Variants in ADAMTS12 observed in about 807,000 individuals in gnomAD.
ADAMTS12 encodes A disintegrin and metalloproteinase with thrombospondin motifs 12.
In ADAMTS12, 118 loss-of-function variants were observed where a neutral mutation model predicts 167.8. The ratio of observed to expected loss-of-function variants is 0.70; its 90% CI spans 0.61 to 0.82. The LOEUF is 0.82. Ranked by LOEUF, ADAMTS12 falls within the 40% of genes least tolerant of loss-of-function variation. ADAMTS12 has a pLI of 0.00. For missense variants in ADAMTS12, 1,916 were observed against 1,998.8 expected (o/e 0.96, Z 0.79); for synonymous variants, 704 against 716.9 (o/e 0.98, Z 0.29).
At chr5:33,607,506 C>T (rs1056484395) in intron 16 of ADAMTS12, among the ~76,000 whole-genome samples, 2 of 152,000 alleles carry the variant, frequency 1.3e-5, no homozygotes, top group Non-Finnish European at 2.9e-5. Flanking sequence ...TTTTTTGGTT[C>T]CATATGAATT....
intron 2 of ADAMTS12, among the ~76,000 whole-genome samples, chr5:33,786,669 A>G (rs935449401): frequency 6.6e-6 from 1 of 152,234 alleles, no homozygotes; most frequent in Non-Finnish European, 1.5e-5. Flanking sequence ...TAAGCAAAGC[A>G]GTGATTCTTG....
chr5:33,880,954 T>C, intron 2 of ADAMTS12, 165 bp downstream of exon 2: 1 of 992,678 alleles, frequency 1.0e-6, no homozygotes, highest in Non-Finnish European at 1.4e-6. Context: ...ATCTCTTTTA[T>C]TTATTAAATA....
chr5:33,887,394 A>C (rs983299338), intron 1 of ADAMTS12, among the ~76,000 whole-genome samples: 1 of 152,076 alleles, frequency 6.6e-6, no homozygotes, highest in Admixed American at 6.6e-5. Context: ...CTCTGCCCTC[A>C]CTGTGTGCAT....
chr5:33,730,702 T>C (rs1224337419), intron 3 of ADAMTS12, among the ~76,000 whole-genome samples: 8 of 152,210 alleles, frequency 5.3e-5, no homozygotes, highest in Non-Finnish European at 8.8e-5. Context: ...TAGGATTGCT[T>C]CATTGGAACC....
Position 33,527,245 on chromosome 5 carries a change from G to C in ADAMTS12, c.4728C>G (p.Ile1576Met). Residue 1576 changes from isoleucine to methionine, a missense_variant, in exon 24 of 24, where the codon ATC becomes ATG. Transcript: ENST00000504830. ...ECCFSCPQTH[I>M]THTQRQRRQR... ...GCCTTCTTTGCCTTTGGGTGTGTGTGATGTGTGTCTGGGGACACGAGAAGC... is the reference window on the plus strand; with the variant it reads ...GCCTTCTTTGCCTTTGGGTGTGTGTCATGTGTGTCTGGGGACACGAGAAGC... 1 of 1,614,136 alleles carries C rather than the reference G, an allele frequency of 6.2e-7. No individual in the cohort carries two copies. The highest frequency in any genetic ancestry group is 8.5e-7 in the Non-Finnish European group (1 of 1,180,034).
chr5:33,794,605 CA>C (rs891317195), intron 2 of ADAMTS12, among the ~76,000 whole-genome samples: 6 of 121,014 alleles, frequency 5.0e-5, no homozygotes, highest in African/African-American at 1.9e-4. Flanking sequence ...GACCGAGGTG[CA>C]GGTAGGCACG....
At chr5:33,684,843 A>G (rs1329063516) in intron 3 of ADAMTS12, among the ~76,000 whole-genome samples, 1 of 152,224 alleles carries the variant, frequency 6.6e-6, no homozygotes, top group Non-Finnish European at 1.5e-5. Flanking sequence ...GCTGCACGGA[A>G]TCATTCTCAA....
intron 2 of ADAMTS12, among the ~76,000 whole-genome samples, chr5:33,879,612 T>C (rs938140793): frequency 6.6e-6 from 1 of 152,198 alleles, no homozygotes; most frequent in East Asian, 1.9e-4. Context: ...TTCACCATTC[T>C]TGATTTTCTG....
At chr5:33,551,803 G>C (rs901906655) in intron 20 of ADAMTS12, among the ~76,000 whole-genome samples, 1 of 152,290 alleles carries the variant, frequency 6.6e-6, no homozygotes, top group African/African-American at 2.4e-5. Context: ...TTTCAAAAGA[G>C]CCTCTGATTC....
chr5:33,665,188 A>G (rs1341030501), intron 5 of ADAMTS12, among the ~76,000 whole-genome samples: 3 of 152,192 alleles, frequency 2.0e-5, no homozygotes, highest in Non-Finnish European at 4.4e-5. Flanking sequence ...GATCTCACTT[A>G]TGTGGAATCT....
chr5:33,543,793 C>T (rs554645104), intron 22 of ADAMTS12, among the ~76,000 whole-genome samples: 1 of 152,266 alleles, frequency 6.6e-6, no homozygotes, highest in South Asian at 2.1e-4. Context: ...CAGAAAAGGC[C>T]TTCAACAAAA....
intron 2 of ADAMTS12, among the ~76,000 whole-genome samples, chr5:33,865,299 C>T (rs1036721383): frequency 6.6e-6 from 1 of 152,026 alleles, no homozygotes; most frequent in African/African-American, 2.4e-5. Flanking sequence ...GATTTCACCC[C>T]AGGGATGTAG....
chr5:33,802,535 G>A (rs2112474523), intron 2 of ADAMTS12, among the ~76,000 whole-genome samples: 1 of 152,288 alleles, frequency 6.6e-6, no homozygotes, highest in South Asian at 2.1e-4. Context: ...TGCTAGGATG[G>A]CCACCTGGTC....
At chr5:33,859,098 C>T (rs1432059546) in intron 2 of ADAMTS12, among the ~76,000 whole-genome samples, 1 of 152,320 alleles carries the variant, frequency 6.6e-6, no homozygotes, top group East Asian at 1.9e-4. Context: ...TGGGCAGACA[C>T]TGAGCTCACG....
intron 2 of ADAMTS12, among the ~76,000 whole-genome samples, chr5:33,761,242 C>T (rs1248919288): frequency 6.6e-6 from 1 of 152,218 alleles, no homozygotes; most frequent in Non-Finnish European, 1.5e-5. Context: ...GAACATGGCC[C>T]TGGGCCTTCT....
chr5:33,716,380 A>G (rs1743616758), intron 3 of ADAMTS12, among the ~76,000 whole-genome samples: 1 of 152,150 alleles, frequency 6.6e-6, no homozygotes, highest in Non-Finnish European at 1.5e-5. Context: ...TCTTATGGCA[A>G]CCCAAATGGA....
chr5:33,558,788 T>G (rs1168820165), intron 20 of ADAMTS12, among the ~76,000 whole-genome samples: 1 of 152,212 alleles, frequency 6.6e-6, no homozygotes, highest in East Asian at 1.9e-4. Flanking sequence ...CTCAGGGATA[T>G]GAGATGTTTC....
intron 2 of ADAMTS12, among the ~76,000 whole-genome samples, chr5:33,799,730 T>C (rs547752810): frequency 7.9e-5 from 12 of 152,278 alleles, no homozygotes; most frequent in Admixed American, 3.9e-4. Flanking sequence ...CTGCTCAAAA[T>C]AGTTGAGTGA....
At chr5:33,610,230 ATTT>A (rs1231222644) in intron 16 of ADAMTS12, among the ~76,000 whole-genome samples, 1 of 152,126 alleles carries the variant, frequency 6.6e-6, no homozygotes, top group Non-Finnish European at 1.5e-5. Context: ...ACAAAATAGT[ATTT>A]TTGTTTCATT....
Sources: allele counts gnomAD v4.1 joint callset (sites outside exome capture counted in the v4.1 genomes callset), GRCh38; gene constraint gnomAD v4.1.1; transcripts MANE v1.5; gene names NCBI Gene and HGNC (gene_info 2026-07-23, HGNC 2026-07-21).